Variants in LZTS1 observed in about 807,000 individuals in gnomAD.
LZTS1 encodes leucine zipper tumor suppressor 1, also known as leucine zipper putative tumor suppressor 1.
LZTS1 carries 31 observed loss-of-function variants against 45.8 expected under a neutral mutation model. The ratio of observed to expected loss-of-function variants is 0.68; its 90% CI spans 0.51 to 0.91. The LOEUF (loss-of-function observed/expected upper bound fraction) is 0.91, where lower values mean the gene tolerates loss of function less well. LZTS1 is among the 40% of genes least tolerant of loss of function. The probability of loss-of-function intolerance (pLI) is 0.00; values close to 1 mark genes in which losing one functional copy is unlikely to be tolerated. For synonymous variants in LZTS1, 359 were observed against 357.3 expected, an observed-to-expected ratio of 1.00 and a Z score of -0.05; for missense variants, 821 against 788.9, an observed-to-expected ratio of 1.04 and a Z score of -0.49.
rs149140637 is a variant in LZTS1 at position 20,254,844 on chromosome 8, A to G, written c.338T>C (p.Leu113Pro). The part of the protein sequence containing the change: ...PPKLMPFSNQ[L>P]EMGSEKGAVR... Reference sequence around the variant, plus strand: ...CCAGCGACCCCCGCTTACCATTTCTAGCTGATTGGAGAAGGGCATGAGCTT... The same window carrying G: ...CCAGCGACCCCCGCTTACCATTTCTGGCTGATTGGAGAAGGGCATGAGCTT... The change falls in exon 2 of 4, where the codon CTA becomes CCA. Residue 113 changes from leucine to proline, a missense_variant. By Grantham distance (98) the Leu-to-Pro change is moderately conservative (BLOSUM62 -3). Transcript: ENST00000381569. 8,145 of 1,604,698 alleles carry G rather than the reference A, an allele frequency of 5.1e-3. 44 individuals carry two copies. Among genetic ancestry groups the G allele is most frequent in the Middle Eastern group, 0.021 (124 of 6,014 alleles).
rs1188730463 is a variant in LZTS1, at chr8:20,303,870, G to A, written c.-265C>T. The A allele has an allele frequency of 1.0e-6, 1 of 984,938 alleles. No individual in the cohort carries two copies. The highest frequency in any genetic ancestry group is 1.2e-6 in the Non-Finnish European group (1 of 829,796). The allele number at this position is 984,938 out of a possible 1,614,324, so 61.0% of individuals were successfully genotyped here. ...TCCCACTGCGCGGGATGCAGCTCCC[G>A]GCTCCCACTCACTGGCCGAGGCGGG... is the stretch of plus-strand genomic sequence containing the variant. On this transcript the variant is annotated 5_prime_UTR_variant, in exon 1 of 4. Transcript: ENST00000381569.
At chr8:20,293,042 G>A (rs778432057) in intron 1 of LZTS1, among the ~76,000 whole-genome samples, 11 of 151,934 alleles carry the variant, frequency 7.2e-5, no homozygotes, top group Non-Finnish European at 1.5e-4. Context: ...TTGAAGCCTC[G>A]GTCACCCCAG....
chr8:20,280,947 T>A lies in LZTS1; in HGVS notation c.-135+22793A>T, dbSNP rs148767495. 7.4e-4 allele frequency among the ~76,000 whole-genome samples: 112 copies of A among 152,332 alleles called. 2 individuals are homozygous for A. Among genetic ancestry groups the A allele is most frequent in the Middle Eastern group, 3.4e-3 (1 of 294 alleles). On this transcript the variant is annotated intron_variant, in intron 1 of 3. Transcript: ENST00000381569. The stretch of plus-strand genomic sequence containing the variant: ...CTCTAACCAGCCAGGTCTAGGCTGA[T>A]GATCTGCAGCTCACAGTTCGCTTAT...
chr8:20,251,140 T>TAA (rs1482508870), intron 3 of LZTS1, among the ~76,000 whole-genome samples: 1 of 86,466 alleles, frequency 1.2e-5, no homozygotes, highest in African/African-American at 4.9e-5. Flanking sequence ...TATATATATA[T>TAA]ATATATATAA....
At chr8:20,288,333 A>G (rs148541313) in intron 1 of LZTS1, among the ~76,000 whole-genome samples, 219 of 152,296 alleles carry the variant, frequency 1.4e-3, no homozygotes, top group Non-Finnish European at 2.5e-3. Flanking sequence ...GCTCAGGAGA[A>G]GCTGCCTGGA....
intron 1 of LZTS1, among the ~76,000 whole-genome samples, chr8:20,268,628 GGC>G (rs1563876306): frequency 6.6e-6 from 1 of 152,138 alleles, no homozygotes; most frequent in Non-Finnish European, 1.5e-5. Flanking sequence ...GACGCCTGAA[GGC>G]CTACATGAGC....
Position 20,249,538 on chromosome 8 carries a change from T to C in LZTS1, c.*184A>G. 4.4e-6 allele frequency: 3 copies of C among 688,834 alleles called. No individual in the cohort carries two copies. In the South Asian group the frequency reaches 5.9e-5, roughly 14 times the overall value. 42.7% of individuals were successfully genotyped at this position (688,834 alleles called of 1,614,324 possible). ...CCTGACGTCTGGTGGGCTGCAGGGCTGGTGAGCACTGGGACATCAGAGAGG... is the reference window on the plus strand; with the variant it reads ...CCTGACGTCTGGTGGGCTGCAGGGCCGGTGAGCACTGGGACATCAGAGAGG... On this transcript the variant is annotated 3_prime_UTR_variant, in exon 4 of 4. Coordinates refer to ENST00000381569, the MANE Select transcript of LZTS1 (RefSeq NM_021020.5).
intron 1 of LZTS1, chr8:20,290,159 T>C (rs1386819775): frequency 6.6e-6 from 1 of 151,950 alleles, no homozygotes; most frequent in African/African-American, 2.4e-5. Flanking sequence ...ACCAACAAGT[T>C]AGAATGGAGA....
intron 1 of LZTS1, among the ~76,000 whole-genome samples, chr8:20,268,224 A>C (rs1800401213): frequency 1.5e-5 from 2 of 130,696 alleles, no homozygotes; most frequent in Non-Finnish European, 3.2e-5. Flanking sequence ...CCAGGAGGGC[A>C]GCTGCTCTTG....
intron 1 of LZTS1, among the ~76,000 whole-genome samples, chr8:20,300,551 C>T (rs1801057932): frequency 6.6e-6 from 1 of 152,042 alleles, no homozygotes; most frequent in Admixed American, 6.5e-5. Flanking sequence ...CCAGGATGGT[C>T]TCGATCTCCT....
intron 1 of LZTS1, among the ~76,000 whole-genome samples, chr8:20,274,534 CTG>C (rs1008920222): frequency 2.6e-5 from 4 of 152,148 alleles, no homozygotes; most frequent in Non-Finnish European, 4.4e-5. Flanking sequence ...GGGTCCGAGC[CTG>C]TGGGCGTGTT....
Position 20,253,100 on chromosome 8 carries a change from G to C in LZTS1, c.831C>G (p.Leu277=), listed in dbSNP as rs1262049806. ...CCTCAAAGCTGCGCTGCAGCTTCTG[G>C]AGGGCGCCCTCCCTCTCCAACAGCT... is the stretch of plus-strand genomic sequence containing the variant. ...EQKLLEREGA[L]QKLQRSFEEK... is the part of the protein sequence containing the mutation. Residue 277 remains leucine (L), a synonymous_variant, in exon 3 of 4, where the codon CTC becomes CTG. Transcript: ENST00000381569. The C allele has an allele frequency of 9.3e-6, 15 of 1,610,606 alleles. No homozygotes were observed. Among genetic ancestry groups the C allele is most frequent in the Non-Finnish European group, 1.3e-5 (15 of 1,178,876 alleles).
At chr8:20,270,523 G>A (rs1177335012) in intron 1 of LZTS1, among the ~76,000 whole-genome samples, 1 of 152,176 alleles carries the variant, frequency 6.6e-6, no homozygotes, top group Non-Finnish European at 1.5e-5. Flanking sequence ...AGAGTATGGC[G>A]AAGGACAGAG....
At chr8:20,257,419 C>A (rs1448155406) in intron 1 of LZTS1, among the ~76,000 whole-genome samples, 1 of 152,040 alleles carries the variant, frequency 6.6e-6, no homozygotes, top group Non-Finnish European at 1.5e-5. Context: ...TTAGTCAATG[C>A]ATTTGGCCAT....
chr8:20,251,429 A>G (rs933327527), intron 3 of LZTS1, among the ~76,000 whole-genome samples: 2 of 152,010 alleles, frequency 1.3e-5, no homozygotes, highest in African/African-American at 4.8e-5. Context: ...GGAAATTTCT[A>G]CTGTGAAAGG....
At chr8:20,260,098 C>T (rs1451378729) in intron 1 of LZTS1, among the ~76,000 whole-genome samples, 24 of 152,136 alleles carry the variant, frequency 1.6e-4, no homozygotes, top group Admixed American at 1.5e-3. Flanking sequence ...ACAGGGGTCT[C>T]GCTGTGTTGC....
chr8:20,270,526 G>C (rs1157973369), intron 1 of LZTS1, among the ~76,000 whole-genome samples: 21 of 152,180 alleles, frequency 1.4e-4, no homozygotes, highest in Admixed American at 1.4e-3. Context: ...GTATGGCGAA[G>C]GACAGAGGTG....
At position 20,250,122 on chromosome 8, in the gene LZTS1, A is replaced by AGCAGCTCCGCCTCGC. The variant is rs1799852063; in HGVS notation, c.1390_1391insGCGAGGCGGAGCTGC (p.Leu463_Leu464insArgGluAlaGluLeu). Reference sequence around the variant, plus strand: ...CTCCAGCAGGTTCACCTTCTCCCGCAGCAGCTCCGCCTCGTTCTTCTTGCG... The same window carrying AGCAGCTCCGCCTCGC: ...CTCCAGCAGGTTCACCTTCTCCCGCAGCAGCTCCGCCTCGCGCAGCTCCGCCTCGTTCTTCTTGCG... On this transcript the variant is annotated inframe_insertion, in exon 4 of 4. Transcript: ENST00000381569. 6.2e-7 allele frequency: 1 copy of AGCAGCTCCGCCTCGC among 1,607,570 alleles called. No individual in the cohort carries two copies. The highest frequency in any genetic ancestry group is 8.5e-7 in the Non-Finnish European group (1 of 1,179,238).
At chr8:20,262,897 G>C (rs77030047) in intron 1 of LZTS1, among the ~76,000 whole-genome samples, 10 of 152,182 alleles carry the variant, frequency 6.6e-5, no homozygotes, top group Non-Finnish European at 1.5e-4. Context: ...CCCCAGTTGA[G>C]TCACTGATTC....
Sources: allele counts gnomAD v4.1 joint callset (sites outside exome capture counted in the v4.1 genomes callset), GRCh38; gene constraint gnomAD v4.1.1; transcripts MANE v1.5; gene names NCBI Gene and HGNC (gene_info 2026-07-23, HGNC 2026-07-21).